The following SOX5 variants were observed in gnomAD, a reference collection of about 807,000 sequenced individuals.
SOX5 encodes SRY-box transcription factor 5, also known as transcription factor SOX-5.
A neutral mutation model predicts 92.0 loss-of-function variants in SOX5; 9 were observed. The observed-to-expected ratio is 0.10, with a 90% CI of 0.06 to 0.17. The LOEUF (loss-of-function observed/expected upper bound fraction) is 0.17, where lower values mean the gene tolerates loss of function less well. Among genes scored for constraint, SOX5 ranks in the 10% least tolerant of loss-of-function variants. SOX5 has a pLI of 1.00. For missense variants in SOX5, 642 were observed against 944.5 expected, an observed-to-expected ratio of 0.68 and a Z score of 4.20; for synonymous variants, 344 against 336.3, an observed-to-expected ratio of 1.02 and a Z score of -0.25.
intron 3 of SOX5, among the ~76,000 whole-genome samples, chr12:24,265,557 A>G (rs1237340964): frequency 6.6e-6 from 1 of 152,214 alleles, no homozygotes; most frequent in Non-Finnish European, 1.5e-5. Flanking sequence ...AAAAGAAAAG[A>G]AAAATAATAT....
At chr12:24,060,831 T>C (rs2137267287) in intron 4 of SOX5, among the ~76,000 whole-genome samples, 1 of 152,276 alleles carries the variant, frequency 6.6e-6, no homozygotes, top group South Asian at 2.1e-4. Context: ...AAAGGTTGCT[T>C]AAAAATGAAG....
At chr12:23,922,633 T>A (rs2138881067) in intron 1 of SOX5, among the ~76,000 whole-genome samples, 1 of 152,338 alleles carries the variant, frequency 6.6e-6, no homozygotes, top group African/African-American at 2.4e-5. Context: ...GATAGATAAA[T>A]GGTTTCCATA....
chr12:23,705,059 C>T (rs1470028365), intron 6 of SOX5, among the ~76,000 whole-genome samples: 2 of 151,960 alleles, frequency 1.3e-5, no homozygotes, highest in East Asian at 3.9e-4. Context: ...CAGAAACACT[C>T]ATAAACTAAT....
At chr12:24,054,034 C>T (rs1237904214) in intron 4 of SOX5, among the ~76,000 whole-genome samples, 3 of 152,200 alleles carry the variant, frequency 2.0e-5, no homozygotes, top group African/African-American at 7.2e-5. Flanking sequence ...TACAAAATCA[C>T]TGTCATTGTG....
chr12:24,239,288 A>T (rs1965117216), intron 3 of SOX5, among the ~76,000 whole-genome samples: 1 of 152,238 alleles, frequency 6.6e-6, no homozygotes, highest in African/African-American at 2.4e-5. Context: ...CCCTGAATCA[A>T]AAAAAGAAGA....
intron 3 of SOX5, among the ~76,000 whole-genome samples, chr12:23,814,378 T>C (rs937343351): frequency 1.3e-5 from 2 of 152,156 alleles, no homozygotes; most frequent in Non-Finnish European, 2.9e-5. Flanking sequence ...AGATGTCCCA[T>C]ACTGAAGGGT....
At chr12:23,581,239 G>A (rs10842186) in intron 9 of SOX5, among the ~76,000 whole-genome samples, 62,303 of 151,702 alleles carry the variant, frequency 0.41, 13,190 homozygotes, top group East Asian at 0.57. Flanking sequence ...CAATCATCCT[G>A]GAGAATTCTA....
At chr12:23,785,123 C>T (rs954038645) in intron 3 of SOX5, among the ~76,000 whole-genome samples, 10 of 152,116 alleles carry the variant, frequency 6.6e-5, no homozygotes, top group South Asian at 6.2e-4. Context: ...CAACACTTTG[C>T]GCATCTTCTT....
intron 4 of SOX5, among the ~76,000 whole-genome samples, chr12:24,001,823 G>T (rs916200211): frequency 2.0e-5 from 3 of 152,116 alleles, no homozygotes; most frequent in African/African-American, 7.2e-5. Flanking sequence ...TAAGATGCAG[G>T]TATGGGGGTG....
At chr12:23,829,981 C>T (rs943755013) in intron 3 of SOX5, among the ~76,000 whole-genome samples, 21 of 152,084 alleles carry the variant, frequency 1.4e-4, no homozygotes, top group Admixed American at 3.3e-4. Flanking sequence ...AAAAGATTAC[C>T]AAGCAGAATT....
chr12:23,655,278 C>T (rs73073816), intron 7 of SOX5, among the ~76,000 whole-genome samples: 11,569 of 151,990 alleles, frequency 0.076, 588 homozygotes, highest in Non-Finnish European at 0.11. Flanking sequence ...TCTGTATTCC[C>T]GCCTGACTGC....
At chr12:23,749,227 T>G (rs897098670) in intron 4 of SOX5, among the ~76,000 whole-genome samples, 2 of 151,904 alleles carry the variant, frequency 1.3e-5, no homozygotes, top group Non-Finnish European at 2.9e-5. Flanking sequence ...AAAATTTAGC[T>G]ACATATTCTT....
intron 1 of SOX5, among the ~76,000 whole-genome samples, chr12:24,374,696 C>T (rs1957073732): frequency 2.6e-5 from 4 of 152,166 alleles, no homozygotes; most frequent in Non-Finnish European, 5.9e-5. Context: ...GGACAGAGCC[C>T]CTCAGGGTAG....
intron 4 of SOX5, among the ~76,000 whole-genome samples, chr12:23,963,777 A>AAAC (rs1342740648): frequency 2.0e-5 from 3 of 151,476 alleles, no homozygotes; most frequent in Non-Finnish European, 2.9e-5. Flanking sequence ...AAAAAAAAAA[A>AAAC]AAAAAACTGG....
At chr12:24,318,397 G>A (rs1949906648) in intron 2 of SOX5, among the ~76,000 whole-genome samples, 2 of 151,992 alleles carry the variant, frequency 1.3e-5, no homozygotes, top group South Asian at 4.2e-4. Context: ...AGAAACGGCT[G>A]GAGGATTTGC....
At chr12:23,754,740 T>G (rs1354977050) in intron 4 of SOX5, among the ~76,000 whole-genome samples, 1 of 151,828 alleles carries the variant, frequency 6.6e-6, no homozygotes, top group East Asian at 1.9e-4. Context: ...AAATTGCTTC[T>G]GTCATTGGGA....
intron 1 of SOX5, among the ~76,000 whole-genome samples, chr12:24,403,327 G>GT (rs1246524190): frequency 3.3e-5 from 5 of 152,268 alleles, no homozygotes; most frequent in African/African-American, 1.2e-4. Context: ...TTCACTGTGT[G>GT]TTTCCCCTGA....
At chr12:24,437,853 C>T (rs1444117480) in intron 1 of SOX5, among the ~76,000 whole-genome samples, 2 of 152,166 alleles carry the variant, frequency 1.3e-5, no homozygotes, top group Admixed American at 6.5e-5. Context: ...ATTAGTTCAA[C>T]CATTGTGGAA....
intron 1 of SOX5, chr12:24,407,629 A>G (rs571502199): frequency 6.6e-6 from 1 of 152,342 alleles, no homozygotes; most frequent in South Asian, 2.1e-4. Context: ...GATGGGGTTG[A>G]CTGTCTGAAG....
Sources: gnomAD v4.1 joint callset for allele counts (sites outside exome capture counted in the v4.1 genomes callset) on GRCh38, gnomAD v4.1.1 for gene constraint, MANE v1.5 for transcripts, NCBI Gene and HGNC (gene_info 2026-07-23, HGNC 2026-07-21) for gene names.